GALNT17: variants seen among roughly 807,000 people sequenced by gnomAD.
GALNT17 encodes the protein UDP-GalNAc:polypeptide N-acetylgalactosaminyltransferase-like 3.
Under a neutral mutation model 63.7 loss-of-function variants are expected in GALNT17, and 29 were observed. The ratio of observed to expected loss-of-function variants is 0.46; its 90% CI spans 0.34 to 0.62. The LOEUF (loss-of-function observed/expected upper bound fraction) is 0.62, where lower values mean the gene tolerates loss of function less well. Among genes scored for constraint, GALNT17 ranks in the 20% least tolerant of loss-of-function variants. The probability of loss-of-function intolerance (pLI) is 0.01; values close to 1 mark genes in which losing one functional copy is unlikely to be tolerated. For synonymous variants in GALNT17, 305 were observed against 318.3 expected, an observed-to-expected ratio of 0.96 and a Z score of 0.45; for missense variants, 603 against 799.6, an observed-to-expected ratio of 0.75 and a Z score of 2.97.
At chr7:71,169,236 C>T (rs953061209) in intron 1 of GALNT17, among the ~76,000 whole-genome samples, 1 of 152,140 alleles carries the variant, frequency 6.6e-6, no homozygotes, top group Non-Finnish European at 1.5e-5. Context: ...ATAGCTGCCT[C>T]GATCTCCTTG....
chr7:71,425,679 T>G (rs1464684929), intron 5 of GALNT17, among the ~76,000 whole-genome samples: 1 of 149,004 alleles, frequency 6.7e-6, no homozygotes, highest in Non-Finnish European at 1.5e-5. Context: ...ATCTTGCCTT[T>G]ACACTCAACT....
chr7:71,537,598 T>G (rs916201102), intron 5 of GALNT17, among the ~76,000 whole-genome samples: 2 of 152,028 alleles, frequency 1.3e-5, no homozygotes, highest in African/African-American at 4.8e-5. Context: ...GATCACTTGA[T>G]GTCAGGAGTT....
In GALNT17 at chr7:71,216,575, CACAAATACACACACAT is replaced by C. The variant is rs1229474041; in HGVS notation, c.238+83539_238+83554del. The stretch of plus-strand genomic sequence containing the variant: ...CATATGTAACACACATATACACACA[CACAAATACACACACAT>C]ACATATCTACACACATACACACAGA... On this transcript the variant is annotated intron_variant, in intron 1 of 10. Transcript: ENST00000333538. Among the ~76,000 whole-genome samples, 45 of 131,266 alleles carry C rather than the reference CACAAATACACACACAT, an allele frequency of 3.4e-4. No homozygotes were observed. The East Asian group carries it at 0.01, about 29-fold the overall frequency. The allele number at this position is 131,266 out of a possible 152,430, so 86.1% of individuals were successfully genotyped here. A position where few individuals can be genotyped will look rare whatever the true frequency, so the allele number is the denominator to read the frequency against.
At chr7:71,669,646 C>A (rs1791038095) in intron 7 of GALNT17, among the ~76,000 whole-genome samples, 1 of 150,954 alleles carries the variant, frequency 6.6e-6, no homozygotes, top group South Asian at 2.1e-4. Flanking sequence ...ACTGCAACCT[C>A]CACCTCCTGG....
chr7:71,340,850 A>G (rs527829505), intron 2 of GALNT17, among the ~76,000 whole-genome samples: 123 of 152,268 alleles, frequency 8.1e-4, no homozygotes, highest in Non-Finnish European at 1.4e-3. Flanking sequence ...CCTGGCCAAC[A>G]TGGTGAAACC....
intron 6 of GALNT17, among the ~76,000 whole-genome samples, chr7:71,616,994 T>A (rs1259308683): frequency 6.8e-6 from 1 of 146,380 alleles, no homozygotes; most frequent in Non-Finnish European, 1.5e-5. Context: ...TATTAATATA[T>A]AAATATATTA....
chr7:71,614,566 G>A (rs1790170443), intron 6 of GALNT17, among the ~76,000 whole-genome samples: 2 of 151,816 alleles, frequency 1.3e-5, no homozygotes, highest in Non-Finnish European at 2.9e-5. Flanking sequence ...GCTGCAACGA[G>A]CAGTGATCAC....
chr7:71,225,336 A>G (rs375962612), intron 1 of GALNT17, among the ~76,000 whole-genome samples: 4 of 152,190 alleles, frequency 2.6e-5, no homozygotes, highest in Admixed American at 6.5e-5. Flanking sequence ...TGCACTAGGG[A>G]TTATTATATC....
chr7:71,634,011 T>A (rs983179105), intron 6 of GALNT17, among the ~76,000 whole-genome samples: 5 of 152,212 alleles, frequency 3.3e-5, no homozygotes, highest in Non-Finnish European at 7.3e-5. Flanking sequence ...AAACTCTCTC[T>A]ACTACAATAC....
At chr7:71,323,436 AG>A (rs967750091) in intron 1 of GALNT17, among the ~76,000 whole-genome samples, 5 of 152,204 alleles carry the variant, frequency 3.3e-5, no homozygotes, top group Admixed American at 1.3e-4. Context: ...CCTAATACTT[AG>A]GGAACATTTT....
Position 71,670,207 on chromosome 7 carries a change from A to G in GALNT17, c.1404+98A>G, listed in dbSNP as rs2302440. On this transcript the variant is annotated intron_variant, in intron 8 of 10. Coordinates refer to ENST00000333538, the MANE Select transcript of GALNT17 (RefSeq NM_022479.3). ...ATAGAGTTGCTCATTCATTCATTCA[A>G]TGAGTGGTTTTTGGAGGTGCTGGCC... is the stretch of plus-strand genomic sequence containing the variant. 840,686 of 1,547,488 alleles carry G rather than the reference A, an allele frequency of 0.54. 229,618 individuals carry two copies. The highest frequency in any genetic ancestry group is 0.59 in the Middle Eastern group (3,434 of 5,850).
intron 1 of GALNT17, among the ~76,000 whole-genome samples, chr7:71,323,056 G>A (rs1012879181): frequency 8.4e-4 from 128 of 152,068 alleles, no homozygotes; most frequent in South Asian, 2.1e-4. Flanking sequence ...ATAAAAGGAC[G>A]GTTAATGATA....
chr7:71,289,160 G>C (rs914808205), intron 1 of GALNT17, among the ~76,000 whole-genome samples: 4 of 148,672 alleles, frequency 2.7e-5, no homozygotes, highest in Admixed American at 6.7e-5. Context: ...ACTGGAGCAT[G>C]TGTTTAAGGT....
chr7:71,326,008 G>A (rs1791697971), intron 1 of GALNT17, among the ~76,000 whole-genome samples: 1 of 151,900 alleles, frequency 6.6e-6, no homozygotes, highest in Non-Finnish European at 1.5e-5. Flanking sequence ...TTATTTTCTA[G>A]CTTAATATCA....
At chr7:71,617,115 T>C (rs1033721890) in intron 6 of GALNT17, among the ~76,000 whole-genome samples, 1 of 148,712 alleles carries the variant, frequency 6.7e-6, no homozygotes, top group East Asian at 1.9e-4. Flanking sequence ...AATTATATAG[T>C]AAATATTATT....
rs1438839117 is a variant in GALNT17, at chr7:71,415,884, TGCAG to T, written c.590-4_590-1del. 6.3e-7 allele frequency: 1 copy of T among 1,575,128 alleles called. No homozygotes were observed. ...TAGACCTTCTTGCATTTTTGTCATT[TGCAG>T]AGGAGCTGAAGGTCCCCCTAGAGGA... is the stretch of plus-strand genomic sequence containing the variant. On this transcript the variant is annotated splice_acceptor_variant and splice_polypyrimidine_tract_variant and intron_variant, in intron 3 of 10. Transcript: ENST00000333538. LOFTEE classifies it high-confidence loss of function.
chr7:71,516,700 T>C (rs1252319668), intron 5 of GALNT17, among the ~76,000 whole-genome samples: 6 of 152,022 alleles, frequency 3.9e-5, no homozygotes, highest in Admixed American at 3.9e-4. Context: ...GGCAGGTGCT[T>C]TTCTTCCAGA....
chr7:71,166,997 C>T (rs1788452866), intron 1 of GALNT17, among the ~76,000 whole-genome samples: 1 of 151,942 alleles, frequency 6.6e-6, no homozygotes, highest in East Asian at 1.9e-4. Flanking sequence ...ACCTCAGCCT[C>T]CCCAGTAGCT....
intron 6 of GALNT17, among the ~76,000 whole-genome samples, chr7:71,639,661 A>G (rs899344257): frequency 2.0e-5 from 3 of 152,228 alleles, no homozygotes; most frequent in African/African-American, 7.2e-5. Flanking sequence ...CGAAAGCAGC[A>G]AGCAGGGAAT....
Sources: allele counts gnomAD v4.1 joint callset (sites outside exome capture counted in the v4.1 genomes callset), GRCh38; gene constraint gnomAD v4.1.1; transcripts MANE v1.5; gene names NCBI Gene and HGNC (gene_info 2026-07-23, HGNC 2026-07-21).